The following LIMS4 variants were observed in gnomAD, a reference collection of about 807,000 sequenced individuals.
LIMS4 encodes LIM zinc finger domain containing 4.
chr2:110,361,881 T>C, the LIMS4 span: 9 of 1,301,620 alleles, frequency 6.9e-6, no homozygotes, highest in African/African-American at 3.3e-5. Flanking sequence ...ATTGGACAAA[T>C]AGGACACTTG....
the LIMS4 span, among the ~76,000 whole-genome samples, chr2:110,378,981 C>A: frequency 1.4e-5 from 2 of 147,828 alleles, no homozygotes; most frequent in Non-Finnish European, 2.9e-5. Flanking sequence ...TTTCTACACA[C>A]ACACACACAC....
chr2:110,419,656 C>CAAAAAAAAA, the LIMS4 span, among the ~76,000 whole-genome samples: 93 of 7,846 alleles, frequency 0.012, no homozygotes, highest in East Asian at 0.02. Flanking sequence ...ACAACAACAA[C>CAAAAAAAAA]AAAAAAAAAA....
At chr2:110,390,371 C>G in the LIMS4 span, among the ~76,000 whole-genome samples, 2 of 129,944 alleles carry the variant, frequency 1.5e-5, no homozygotes, top group Admixed American at 7.8e-5. Flanking sequence ...GGTGAGGAGG[C>G]CTTGGAAGTG....
At chr2:110,371,212 C>G in the LIMS4 span, among the ~76,000 whole-genome samples, 1 of 108,924 alleles carries the variant, frequency 9.2e-6, no homozygotes, top group South Asian at 3.2e-4. Flanking sequence ...ACAACAAATA[C>G]TTACTGTTTC....
chr2:110,367,999 C>T, the LIMS4 span, among the ~76,000 whole-genome samples: 16 of 144,894 alleles, frequency 1.1e-4, no homozygotes, highest in African/African-American at 4.4e-4. Flanking sequence ...GAAACTTTTT[C>T]AAATTCTTGA....
the LIMS4 span, among the ~76,000 whole-genome samples, chr2:110,391,116 G>A: frequency 6.7e-6 from 1 of 150,300 alleles, no homozygotes; most frequent in Non-Finnish European, 1.5e-5. Flanking sequence ...TTAGAAAGGG[G>A]GACAGCGTGG....
the LIMS4 span, chr2:110,397,373 A>AACACAC: frequency 2.2e-5 from 3 of 139,178 alleles, no homozygotes; most frequent in Admixed American, 7.2e-5. Context: ...ATCACTACAA[A>AACACAC]ACACACACAC....
At chr2:110,368,923 A>G in the LIMS4 span, among the ~76,000 whole-genome samples, 1 of 128,464 alleles carries the variant, frequency 7.8e-6, no homozygotes. Context: ...AGATTCGTGT[A>G]GGAAATGCAA....
chr2:110,363,977 T>G, the LIMS4 span, among the ~76,000 whole-genome samples: 1 of 74,476 alleles, frequency 1.3e-5, no homozygotes, highest in Non-Finnish European at 3.1e-5. Context: ...GGCAACATGG[T>G]GAAACCCTGT....
the LIMS4 span, among the ~76,000 whole-genome samples, chr2:110,426,755 G>T: frequency 1.6e-5 from 2 of 127,360 alleles, 1 homozygote; most frequent in East Asian, 4.3e-4. Context: ...GGGCATTTAG[G>T]CTGGTTCCAA....
At chr2:110,371,816 G>A in the LIMS4 span, among the ~76,000 whole-genome samples, 2 of 142,468 alleles carry the variant, frequency 1.4e-5, 1 homozygote, top group Non-Finnish European at 3.0e-5. Context: ...GCAGACACCT[G>A]AGGAGCCAGG....
the LIMS4 span, among the ~76,000 whole-genome samples, chr2:110,418,650 C>CTTTTTT: frequency 4.1e-5 from 3 of 72,506 alleles, no homozygotes; most frequent in Non-Finnish European, 7.5e-5. Flanking sequence ...CCTTTCCTTT[C>CTTTTTT]TTTTTTTTTT....
the LIMS4 span, among the ~76,000 whole-genome samples, chr2:110,432,886 A>T: frequency 7.1e-6 from 1 of 141,040 alleles, no homozygotes; most frequent in East Asian, 2.6e-4. Context: ...ATAGCCCTTA[A>T]TACGAGCTCT....
the LIMS4 span, among the ~76,000 whole-genome samples, chr2:110,390,931 G>A: frequency 6.6e-6 from 1 of 152,308 alleles, no homozygotes; most frequent in Non-Finnish European, 1.5e-5. Context: ...TGCTGCAGGG[G>A]AGGCTGGGGG....
the LIMS4 span, among the ~76,000 whole-genome samples, chr2:110,432,927 G>A: frequency 7.4e-6 from 1 of 135,494 alleles, no homozygotes; most frequent in Non-Finnish European, 1.6e-5. Flanking sequence ...GGCGAGGTCG[G>A]TCTCACTCCC....
the LIMS4 span, chr2:110,397,488 A>G: frequency 8.2e-6 from 1 of 122,654 alleles, no homozygotes; most frequent in South Asian, 3.1e-4. Flanking sequence ...ATTATAAAGT[A>G]CAAAGAATAC....
the LIMS4 span, among the ~76,000 whole-genome samples, chr2:110,392,578 C>T: frequency 6.6e-6 from 1 of 152,102 alleles, no homozygotes; most frequent in Admixed American, 6.5e-5. Flanking sequence ...TTTCCTCCCC[C>T]AGCGCTGTGA....
the LIMS4 span, chr2:110,383,086 T>C: frequency 1.3e-4 from 6 of 45,784 alleles, no homozygotes; most frequent in African/African-American, 7.1e-4. Flanking sequence ...CGGCCAGGCC[T>C]GGTGCCTGAA....
the LIMS4 span, among the ~76,000 whole-genome samples, chr2:110,359,787 A>G: frequency 6.2e-5 from 1 of 16,070 alleles, no homozygotes; most frequent in Non-Finnish European, 1.4e-4. Context: ...TAACTTTTAC[A>G]GTAGTCCAGC....
Sources: gnomAD v4.1 joint callset for allele counts (sites outside exome capture counted in the v4.1 genomes callset) on GRCh38, gnomAD v4.1.1 for gene constraint, MANE v1.5 for transcripts, NCBI Gene and HGNC (gene_info 2026-07-23, HGNC 2026-07-21) for gene names.